TENM4: variants seen among roughly 807,000 people sequenced by gnomAD.
The protein encoded by TENM4 is teneurin transmembrane protein 4.
Under a neutral mutation model 243.3 loss-of-function variants are expected in TENM4, and 82 were observed. The observed-to-expected ratio is 0.34, with a 90% confidence interval of 0.28 to 0.40. The LOEUF (loss-of-function observed/expected upper bound fraction) is 0.40. TENM4 is among the 10% of genes least tolerant of loss of function. The pLI, the probability that TENM4 is intolerant of heterozygous loss-of-function variation, is 1.00. For synonymous variants in TENM4, 1,412 were observed against 1,456.3 expected, an observed-to-expected ratio of 0.97 and a Z score of 0.69; for missense variants, 3,138 against 3,673.3, an observed-to-expected ratio of 0.85 and a Z score of 3.77.
intron 3 of TENM4, among the ~76,000 whole-genome samples, chr11:79,165,480 T>A (rs1389816566): frequency 6.6e-6 from 1 of 152,186 alleles, no homozygotes; most frequent in Non-Finnish European, 1.5e-5. Flanking sequence ...GCCTACTTTT[T>A]GATGAAATTG....
chr11:79,046,176 TTG>T (rs1253479980), intron 6 of TENM4, among the ~76,000 whole-genome samples: 1 of 152,136 alleles, frequency 6.6e-6, no homozygotes, highest in Admixed American at 6.5e-5. Context: ...GGGCTTAAGA[TTG>T]TGTGTCCTGG....
At chr11:78,959,222 G>A (rs116761445) in intron 6 of TENM4, among the ~76,000 whole-genome samples, 2,653 of 152,068 alleles carry the variant, frequency 0.017, 70 homozygotes, top group African/African-American at 0.053. Flanking sequence ...GTTATATCTC[G>A]GAGGAAGGAT....
intron 2 of TENM4, among the ~76,000 whole-genome samples, chr11:79,256,835 A>G (rs888483768): frequency 2.6e-5 from 4 of 152,118 alleles, no homozygotes; most frequent in Admixed American, 6.5e-5. Flanking sequence ...GTGAGGTGGA[A>G]ACTCAGTTAC....
chr11:79,225,523 G>A (rs1173215430), intron 2 of TENM4, among the ~76,000 whole-genome samples: 3 of 152,104 alleles, frequency 2.0e-5, no homozygotes, highest in Non-Finnish European at 2.9e-5. Flanking sequence ...GCTCAAGCAA[G>A]TCTCCCACCT....
intron 6 of TENM4, among the ~76,000 whole-genome samples, chr11:78,912,794 C>A (rs1856221198): frequency 6.6e-6 from 1 of 152,180 alleles, no homozygotes. Context: ...AATTCATAGA[C>A]AAATTAAGCC....
At chr11:78,720,449 T>TA (rs1390811967) in intron 24 of TENM4, 59 bp from the exon 25 acceptor site, 2 of 1,592,756 alleles carry the variant, frequency 1.3e-6, no homozygotes, top group Non-Finnish European at 1.7e-6. Context: ...GCAGCAGGGT[T>TA]AGAAGCATTA....
intron 19 of TENM4, among the ~76,000 whole-genome samples, chr11:78,744,609 G>A (rs1052814378): frequency 2.0e-5 from 3 of 152,186 alleles, no homozygotes; most frequent in African/African-American, 7.2e-5. Context: ...ATTTGTCTTG[G>A]CTTCACAATT....
intron 24 of TENM4, 27 bp from the exon 25 acceptor site, chr11:78,720,417 T>C (rs1430935145): frequency 3.1e-6 from 5 of 1,613,690 alleles, no homozygotes; most frequent in Admixed American, 1.7e-5. Flanking sequence ...GAGCAGGGAA[T>C]AGAAGAAAGA....
At chr11:78,829,338 C>T (rs1857925963) in intron 12 of TENM4, among the ~76,000 whole-genome samples, 3 of 152,166 alleles carry the variant, frequency 2.0e-5, no homozygotes, top group Non-Finnish European at 4.4e-5. Flanking sequence ...GTATGATTTC[C>T]AGCTCTGACT....
At chr11:79,355,585 CCTT>C (rs1264867616) in intron 1 of TENM4, among the ~76,000 whole-genome samples, 1 of 152,206 alleles carries the variant, frequency 6.6e-6, no homozygotes, top group Non-Finnish European at 1.5e-5. Flanking sequence ...CTGGAACACA[CCTT>C]CTTCTGTTTA....
chr11:79,008,077 C>T (rs1375815020), intron 6 of TENM4, among the ~76,000 whole-genome samples: 2 of 152,114 alleles, frequency 1.3e-5, no homozygotes, highest in Non-Finnish European at 2.9e-5. Context: ...ATTTTTATGG[C>T]TGGCTGGGAT....
At chr11:78,898,675 CA>C (rs1220419109) in intron 7 of TENM4, among the ~76,000 whole-genome samples, 1 of 152,196 alleles carries the variant, frequency 6.6e-6, no homozygotes. Flanking sequence ...GTTAAGTATA[CA>C]TATTCATTCA....
chr11:78,938,627 T>C (rs536715955), intron 6 of TENM4, among the ~76,000 whole-genome samples: 1 of 152,138 alleles, frequency 6.6e-6, no homozygotes, highest in Non-Finnish European at 1.5e-5. Context: ...AAGGGCAATG[T>C]TAGAGTAAGA....
At chr11:78,903,592 G>A in intron 6 of TENM4, 69 bp from the exon 7 acceptor site, 2 of 1,535,396 alleles carry the variant, frequency 1.3e-6, no homozygotes, top group Non-Finnish European at 1.7e-6. Flanking sequence ...AAGCAGCCAC[G>A]GAGGTCTGAG....
intron 4 of TENM4, among the ~76,000 whole-genome samples, chr11:79,084,436 T>A (rs1368127405): frequency 6.6e-6 from 1 of 152,218 alleles, no homozygotes; most frequent in Non-Finnish European, 1.5e-5. Flanking sequence ...ATAAAAGCTT[T>A]ATTCATAATA....
intron 1 of TENM4, among the ~76,000 whole-genome samples, chr11:79,321,782 C>T (rs559358991): frequency 1.1e-4 from 16 of 152,262 alleles, no homozygotes; most frequent in African/African-American, 3.9e-4. Flanking sequence ...AGAGCCATCC[C>T]TATCTTAGCT....
At chr11:78,962,415 G>A in intron 6 of TENM4, among the ~76,000 whole-genome samples, 1 of 151,228 alleles carries the variant, frequency 6.6e-6, no homozygotes, top group Non-Finnish European at 1.5e-5. Context: ...TGAGGCACAC[G>A]GGGAGGGGGA....
intron 19 of TENM4, chr11:78,756,462 A>G (rs895647840): frequency 6.9e-6 from 2 of 288,688 alleles, no homozygotes; most frequent in African/African-American, 4.4e-5. Flanking sequence ...AGCAGCATCA[A>G]TGCCTTTCAG....
At chr11:79,359,737 A>G (rs1192052214) in intron 1 of TENM4, among the ~76,000 whole-genome samples, 1 of 152,180 alleles carries the variant, frequency 6.6e-6, no homozygotes, top group Non-Finnish European at 1.5e-5. Flanking sequence ...TCAGACTTTT[A>G]AAAAACTTTT....
Sources: allele counts gnomAD v4.1 joint callset (sites outside exome capture counted in the v4.1 genomes callset), GRCh38; gene constraint gnomAD v4.1.1; transcripts MANE v1.5; gene names NCBI Gene and HGNC (gene_info 2026-07-23, HGNC 2026-07-21).